Variants in BIN2 observed in about 807,000 individuals in gnomAD.
BIN2 encodes breast cancer associated protein BRAP1.
In BIN2, 43 loss-of-function variants were observed where a neutral mutation model predicts 67.9. The observed-to-expected ratio is 0.63, with a 90% CI of 0.50 to 0.82. The LOEUF (loss-of-function observed/expected upper bound fraction) is 0.82. Among genes scored for constraint, BIN2 ranks in the 40% least tolerant of loss-of-function variants. The pLI is 0.00. For synonymous variants in BIN2, 244 were observed against 246.8 expected, an observed-to-expected ratio of 0.99 and a Z score of 0.11; for missense variants, 581 against 671.6, an observed-to-expected ratio of 0.87 and a Z score of 1.49.
chr12:51,316,688 T>C (rs962063068), intron 1 of BIN2, among the ~76,000 whole-genome samples: 17 of 152,084 alleles, frequency 1.1e-4, no homozygotes, highest in African/African-American at 3.6e-4. Context: ...TCCCTCTTTC[T>C]AGAATGCCTT....
intron 1 of BIN2, among the ~76,000 whole-genome samples, chr12:51,319,023 A>C (rs1327706588): frequency 6.6e-6 from 1 of 152,182 alleles, no homozygotes; most frequent in African/African-American, 2.4e-5. Context: ...TTCTCAGCTA[A>C]CAAAACACTG....
chr12:51,320,363 T>G (rs1055104179), intron 1 of BIN2, among the ~76,000 whole-genome samples: 1 of 152,188 alleles, frequency 6.6e-6, no homozygotes, highest in Admixed American at 6.5e-5. Context: ...AAGCTTTCCT[T>G]AAAAGGTCCT....
chr12:51,304,845 T>A (rs1945826161), intron 2 of BIN2, among the ~76,000 whole-genome samples: 1 of 149,682 alleles, frequency 6.7e-6, no homozygotes, highest in Non-Finnish European at 1.5e-5. Flanking sequence ...TGAAAGCCCA[T>A]CTCTACTAAA....
Position 51,313,841 on chromosome 12 carries a change from G to A in BIN2, c.144C>T (p.Ser48=). Residue 48 remains serine (S), a synonymous_variant, in exon 2 of 13, where the codon AGC becomes AGT. Coordinates refer to ENST00000615107, the MANE Select transcript of BIN2 (RefSeq NM_016293.4). ...TKDERFEQSA[S]NFYQQQAEGH... ...AGATTACCTGTTGTTGGTAGAAGTT[G>A]CTAGCGCTTTGTTCAAATCGTTCAT... The A allele has an allele frequency of 6.2e-7, 1 of 1,613,590 alleles. No individual in the cohort carries two copies. Among genetic ancestry groups the A allele is most frequent in the Non-Finnish European group, 8.5e-7 (1 of 1,179,634 alleles).
chr12:51,315,779 A>G (rs1326666631), intron 1 of BIN2, among the ~76,000 whole-genome samples: 2 of 152,220 alleles, frequency 1.3e-5, no homozygotes, highest in Non-Finnish European at 1.5e-5. Flanking sequence ...CCTCTCAACT[A>G]GAAAACCTGA....
At chr12:51,295,954 T>C in intron 8 of BIN2, 76 bp from the exon 9 acceptor site, 2 of 1,146,924 alleles carry the variant, frequency 1.7e-6, no homozygotes, top group Non-Finnish European at 2.6e-6. Context: ...CCCCTCCCCT[T>C]CAGACAGCTT....
Position 51,291,935 on chromosome 12 carries a change from T to C in BIN2, c.1171A>G (p.Thr391Ala), listed in dbSNP as rs140686836. ...TCAGATCCTTCACTTGCGGTGCGGG[T>C]TCGGAGGACTACTTCTGTGGCAGAT... is the stretch of plus-strand genomic sequence containing the variant. ...SSSATEVVLRTRTASEGSEQP... is the reference protein window; with the variant it reads ...SSSATEVVLRARTASEGSEQP... Residue 391 changes from threonine (T) to alanine (A), a missense_variant, in exon 10 of 13, where the codon ACC becomes GCC. Coordinates refer to ENST00000615107, the MANE Select transcript of BIN2 (RefSeq NM_016293.4). The C allele has an allele frequency of 4.6e-5, 75 of 1,614,098 alleles. No homozygotes were observed. The African/African-American group carries it at 9.2e-4, about 20-fold the overall frequency.
chr12:51,303,058 T>G, intron 3 of BIN2, 29 bp downstream of exon 3: 1 of 1,611,092 alleles, frequency 6.2e-7, no homozygotes, highest in Non-Finnish European at 8.5e-7. Context: ...ATAAATGCCC[T>G]CTGGATTCTC....
rs1565689497 is a variant in BIN2, at chr12:51,315,745, C to T, written c.82-1842G>A. ...ATAATGCATTTGAAACTCAGCTAGA[C>T]CTGAATGCTATCCATGTCTATCACC... On this transcript the variant is annotated intron_variant, in intron 1 of 12. Transcript: ENST00000615107. Among the ~76,000 whole-genome samples, 12 of 152,162 alleles carry T rather than the reference C, an allele frequency of 7.9e-5. No homozygotes were observed. In the South Asian group the frequency reaches 2.5e-3, roughly 32 times the overall value.
chr12:51,306,353 G>T (rs1160960463), intron 2 of BIN2, among the ~76,000 whole-genome samples: 1 of 152,182 alleles, frequency 6.6e-6, no homozygotes, highest in South Asian at 2.1e-4. Flanking sequence ...TAGGCCAGGC[G>T]AGGTAGCTCA....
upstream of BIN2, chr12:51,324,380 T>C: frequency 7.6e-7 from 1 of 1,320,918 alleles, no homozygotes; most frequent in Admixed American, 3.1e-5. Context: ...TCGGCCTCAC[T>C]GAACCAGGTC....
At chr12:51,314,929 T>A (rs1946083495) in intron 1 of BIN2, among the ~76,000 whole-genome samples, 1 of 151,998 alleles carries the variant, frequency 6.6e-6, no homozygotes, top group Non-Finnish European at 1.5e-5. Context: ...CACAACTTAC[T>A]ACAGCCTCAA....
chr12:51,303,784 G>C (rs1421383697), intron 2 of BIN2, among the ~76,000 whole-genome samples: 2 of 152,190 alleles, frequency 1.3e-5, no homozygotes, highest in African/African-American at 4.8e-5. Context: ...AAAAGGAGAG[G>C]AAGGTATTAT....
upstream of BIN2, chr12:51,324,229 C>T: frequency 1.4e-6 from 2 of 1,461,778 alleles, no homozygotes; most frequent in Non-Finnish European, 9.0e-7. Flanking sequence ...CCTCAGGCCG[C>T]CCCTGGCCAG....
chr12:51,291,217 C>T (rs1193154129), intron 10 of BIN2, among the ~76,000 whole-genome samples: 1 of 152,088 alleles, frequency 6.6e-6, no homozygotes, highest in African/African-American at 2.4e-5. Flanking sequence ...AAATTAATAG[C>T]TATGAAGACA....
At chr12:51,287,752 T>C (rs1020736153) in intron 11 of BIN2, among the ~76,000 whole-genome samples, 3 of 148,756 alleles carry the variant, frequency 2.0e-5, no homozygotes, top group South Asian at 4.3e-4. Flanking sequence ...CCCGGGTTCA[T>C]GCCATTCTCC....
At position 51,324,163 on chromosome 12, in the gene BIN2, C is replaced by A. The variant is rs1271208459; in HGVS notation, c.-61G>T. The A allele has an allele frequency of 6.3e-7, 1 of 1,598,222 alleles. No individual in the cohort carries two copies. The highest frequency in any genetic ancestry group is 2.3e-5 in the East Asian group (1 of 44,230). ...GCGCCCTGTGGTTTTCTGAGGCCCC[C>A]GAGGAGGAAGTGCGGGCTCCCGGCA... On this transcript the variant is annotated 5_prime_UTR_variant, in exon 1 of 13. Transcript: ENST00000615107.
At chr12:51,319,985 CTCTT>C (rs1273473126) in intron 1 of BIN2, among the ~76,000 whole-genome samples, 5 of 151,718 alleles carry the variant, frequency 3.3e-5, no homozygotes, top group Non-Finnish European at 5.9e-5. Flanking sequence ...TTTTCTCCCT[CTCTT>C]TCTTTCTTAC....
At chr12:51,295,577 AATATATAT>A (rs1163870830) in intron 9 of BIN2, among the ~76,000 whole-genome samples, 683 of 28,638 alleles carry the variant, frequency 0.024, 13 homozygotes, top group South Asian at 0.029. Flanking sequence ...AAAAAAAAAA[AATATATAT>A]ATATATATAT....
Sources: gnomAD v4.1 joint callset for allele counts (sites outside exome capture counted in the v4.1 genomes callset) on GRCh38, gnomAD v4.1.1 for gene constraint, MANE v1.5 for transcripts, NCBI Gene and HGNC (gene_info 2026-07-23, HGNC 2026-07-21) for gene names.